Variants in WDPCP observed in about 807,000 individuals in gnomAD.
WDPCP encodes WD repeat-containing and planar cell polarity effector protein fritz homolog.
A neutral mutation model predicts 93.1 loss-of-function variants in WDPCP; 71 were observed. The ratio of observed to expected loss-of-function variants is 0.76; its 90% confidence interval spans 0.63 to 0.93. The LOEUF (loss-of-function observed/expected upper bound fraction) is 0.93. Among genes scored for constraint, WDPCP ranks in the 40% least tolerant of loss-of-function variants. WDPCP has a pLI of 0.00. For missense variants in WDPCP, 844 were observed against 887.4 expected, an observed-to-expected ratio of 0.95 and a Z score of 0.62; for synonymous variants, 315 against 315.0, an observed-to-expected ratio of 1.00 and a Z score of 0.00.
In WDPCP at chr2:63,705,339, A is replaced by G. The variant is rs560396558; in HGVS notation, n.309-54501T>C. ...TCTTAGTTATTTCTTGCCTTCTGCT[A>G]GCTTTTGAATGTGTTTGCTCTTGCT... On this transcript the variant is annotated intron_variant and non_coding_transcript_variant, in intron 2 of 4. Coordinates refer to the WDPCP transcript ENST00000467687. Among the ~76,000 whole-genome samples, 15 of 152,246 alleles carry G rather than the reference A, an allele frequency of 9.9e-5. No homozygotes were observed. The East Asian group carries it at 2.7e-3, about 27-fold the overall frequency.
chr2:63,267,785 C>A (rs983927356), intron 13 of WDPCP, among the ~76,000 whole-genome samples: 11 of 152,008 alleles, frequency 7.2e-5, no homozygotes, highest in Admixed American at 7.2e-4. Context: ...TCACCTCATG[C>A]CTGTTAGAAT....
At chr2:63,388,173 T>C (rs1055726288) in intron 10 of WDPCP, among the ~76,000 whole-genome samples, 2 of 151,994 alleles carry the variant, frequency 1.3e-5, no homozygotes, top group South Asian at 4.2e-4. Context: ...ACAGCTCCAG[T>C]CTGCATCTCC....
At chr2:63,208,677 T>A (rs1259719072) in intron 14 of WDPCP, among the ~76,000 whole-genome samples, 1 of 152,224 alleles carries the variant, frequency 6.6e-6, no homozygotes. Flanking sequence ...TGAGAATGAC[T>A]TCACAAAATC....
At chr2:63,382,894 G>A (rs541832087) in intron 10 of WDPCP, among the ~76,000 whole-genome samples, 37 of 152,134 alleles carry the variant, frequency 2.4e-4, no homozygotes, top group African/African-American at 6.0e-4. Flanking sequence ...GAATGTGACC[G>A]TCCAACAGCC....
At chr2:63,684,865 C>T (rs1460385403) in intron 2 of WDPCP, among the ~76,000 whole-genome samples, 2 of 152,080 alleles carry the variant, frequency 1.3e-5, no homozygotes, top group Non-Finnish European at 2.9e-5. Flanking sequence ...CAATGTGCTC[C>T]TGAATAACCA....
At chr2:63,715,295 C>T (rs1322034026) in intron 2 of WDPCP, among the ~76,000 whole-genome samples, 4 of 152,026 alleles carry the variant, frequency 2.6e-5, no homozygotes, top group Non-Finnish European at 5.9e-5. Context: ...AAATTTTGCC[C>T]CAATAAAATA....
At chr2:63,585,876 G>A (rs1440464097) in intron 1 of WDPCP, among the ~76,000 whole-genome samples, 2 of 131,458 alleles carry the variant, frequency 1.5e-5, no homozygotes, top group East Asian at 2.2e-4. Flanking sequence ...TCCCTTTGTC[G>A]CCCAGGCTGG....
chr2:63,648,295 G>C (rs1710074884), intron 3 of WDPCP, among the ~76,000 whole-genome samples: 1 of 152,182 alleles, frequency 6.6e-6, no homozygotes, highest in Non-Finnish European at 1.5e-5. Flanking sequence ...GCTTAGGGGT[G>C]TCCCAGGGAT....
At chr2:63,194,322 T>C (rs1675262185) in intron 14 of WDPCP, among the ~76,000 whole-genome samples, 1 of 151,734 alleles carries the variant, frequency 6.6e-6, no homozygotes, top group African/African-American at 2.4e-5. Context: ...GAAAAAAAAA[T>C]AGTGTTACCT....
chr2:63,597,482 G>C (rs751353883), intron 3 of WDPCP: 2 of 1,524,300 alleles, frequency 1.3e-6, no homozygotes, highest in Non-Finnish European at 1.8e-6. Context: ...AAGAAGGGAA[G>C]GCATGGAGAG....
At chr2:63,126,727 A>C (rs1354302287) in intron 17 of WDPCP, among the ~76,000 whole-genome samples, 2 of 147,238 alleles carry the variant, frequency 1.4e-5, no homozygotes, top group African/African-American at 5.1e-5. Flanking sequence ...GCTGGAGAAC[A>C]GTGGCACAAT....
rs1057185023 is a variant in WDPCP at position 63,311,331 on chromosome 2, G to C, written c.1812+1917C>G. On this transcript the variant is annotated intron_variant, in intron 13 of 17. Transcript: ENST00000272321. ...TCTATAGGCTATAGACCTCTGGCTA[G>C]ATGAAATTTAGATAGTAAGAATGAA... 7.2e-5 allele frequency among the ~76,000 whole-genome samples: 11 copies of C among 152,218 alleles called. No individual in the cohort carries two copies. In the South Asian group the frequency reaches 8.3e-4, roughly 11 times the overall value.
chr2:63,698,083 G>A (rs548126610), intron 2 of WDPCP, among the ~76,000 whole-genome samples: 3 of 152,218 alleles, frequency 2.0e-5, no homozygotes, highest in African/African-American at 7.2e-5. Flanking sequence ...AGCCTCCTGA[G>A]TAGCTGGGAT....
intron 1 of WDPCP, among the ~76,000 whole-genome samples, chr2:63,514,254 ATTT>A (rs909013082): frequency 1.1e-4 from 17 of 151,992 alleles, no homozygotes; most frequent in African/African-American, 4.1e-4. Context: ...GGCTATATGG[ATTT>A]TTTTAAGTGC....
At chr2:63,792,172 A>G (rs1670555322) in intron 2 of WDPCP, among the ~76,000 whole-genome samples, 2 of 152,168 alleles carry the variant, frequency 1.3e-5, no homozygotes, top group African/African-American at 4.8e-5. Context: ...AGAACTACCC[A>G]AGACTGGGTA....
At chr2:63,689,874 G>A (rs147882157) in intron 2 of WDPCP, among the ~76,000 whole-genome samples, 188 of 152,266 alleles carry the variant, frequency 1.2e-3, no homozygotes, top group African/African-American at 4.1e-3. Flanking sequence ...TCAACTTGAC[G>A]TTATTAACCC....
intron 1 of WDPCP, among the ~76,000 whole-genome samples, chr2:63,533,633 G>A (rs1417267298): frequency 6.6e-6 from 1 of 151,624 alleles, no homozygotes; most frequent in Non-Finnish European, 1.5e-5. Context: ...CGAAATGAAG[G>A]CAGAAATAAA....
chr2:63,378,626 G>A, intron 11 of WDPCP, 117 bp from the exon 12 acceptor site: 2 of 1,412,060 alleles, frequency 1.4e-6, no homozygotes, highest in South Asian at 1.2e-5. Flanking sequence ...TGAACTTGTT[G>A]CAGGAAAGAT....
At chr2:63,571,225 A>C (rs1226130991) in intron 1 of WDPCP, 1 of 369,904 alleles carries the variant, frequency 2.7e-6, no homozygotes, top group Non-Finnish European at 5.3e-6. Context: ...TAAATTATTT[A>C]ACATTACCAT....
Sources: allele counts gnomAD v4.1 joint callset (sites outside exome capture counted in the v4.1 genomes callset), GRCh38; gene constraint gnomAD v4.1.1; transcripts MANE v1.5; gene names NCBI Gene and HGNC (gene_info 2026-07-23, HGNC 2026-07-21).